Variants in PKP4 observed in about 807,000 individuals in gnomAD.
PKP4 encodes the protein plakophilin-4.
A neutral mutation model predicts 145.1 loss-of-function variants in PKP4; 90 were observed. The ratio of observed to expected loss-of-function variants is 0.62; its 90% CI spans 0.52 to 0.74. The LOEUF (loss-of-function observed/expected upper bound fraction) is 0.74, where lower values mean the gene tolerates loss of function less well. PKP4 is among the 30% of genes least tolerant of loss of function. PKP4 has a pLI of 0.00. For synonymous variants in PKP4, 563 were observed against 577.2 expected (o/e 0.98, Z 0.35); for missense variants, 1,340 against 1,482.7 (o/e 0.90, Z 1.58).
chr2:158,540,410 G>T (rs1267985157), intron 2 of PKP4, among the ~76,000 whole-genome samples: 2 of 152,106 alleles, frequency 1.3e-5, no homozygotes, highest in Non-Finnish European at 1.5e-5. Context: ...TCCATACTTA[G>T]ATTAAGCTTG....
At chr2:158,551,287 G>GA (rs1257479895) in intron 2 of PKP4, among the ~76,000 whole-genome samples, 1 of 152,146 alleles carries the variant, frequency 6.6e-6, no homozygotes, top group Non-Finnish European at 1.5e-5. Context: ...GGTTGTTAGA[G>GA]AAAAAAACAT....
At chr2:158,463,536 T>G (rs1314313919) in intron 1 of PKP4, among the ~76,000 whole-genome samples, 1 of 152,092 alleles carries the variant, frequency 6.6e-6, no homozygotes, top group East Asian at 1.9e-4. Flanking sequence ...TAAATAGATA[T>G]CAAGAGGCTC....
chr2:158,468,603 T>C (rs1171075501), intron 1 of PKP4, among the ~76,000 whole-genome samples: 3 of 152,240 alleles, frequency 2.0e-5, no homozygotes, highest in South Asian at 4.2e-4. Context: ...TAGTGCACCA[T>C]GTTAACAGGC....
chr2:158,528,135 G>A lies in PKP4; in HGVS notation c.-5-5045G>A, dbSNP rs1448323169. Among the ~76,000 whole-genome samples, 48 of 133,376 alleles carry A rather than the reference G, an allele frequency of 3.6e-4. 1 individual carries two copies. The Admixed American group carries it at 3.8e-3, about 10-fold the overall frequency. The allele number at this position is 133,376 out of a possible 152,430, so 87.5% of individuals were successfully genotyped here. ...CATTTGACCCAGCCATCCCATTACTGGGTATATACCCAAATGACTGTAAAT... is the reference window on the plus strand; with the variant it reads ...CATTTGACCCAGCCATCCCATTACTAGGTATATACCCAAATGACTGTAAAT... On this transcript the variant is annotated intron_variant, in intron 1 of 21. Transcript: ENST00000389759.
At chr2:158,631,328 C>T (rs544491881) in intron 7 of PKP4, among the ~76,000 whole-genome samples, 21 of 152,160 alleles carry the variant, frequency 1.4e-4, no homozygotes, top group African/African-American at 5.1e-4. Flanking sequence ...AGTGTTTAGA[C>T]TTAACACTTG....
At chr2:158,666,289 T>C in intron 15 of PKP4, 124 bp from the exon 16 acceptor site, 6 of 860,912 alleles carry the variant, frequency 7.0e-6, no homozygotes, top group Non-Finnish European at 9.8e-6. Context: ...AGATTTGATC[T>C]TCAATTGGAA....
At chr2:158,549,994 T>G (rs1014274167) in intron 2 of PKP4, among the ~76,000 whole-genome samples, 6 of 142,056 alleles carry the variant, frequency 4.2e-5, no homozygotes, top group African/African-American at 1.5e-4. Flanking sequence ...GTGTCGCTAA[T>G]GGGAGTAGTA....
chr2:158,596,946 C>T (rs2049808048), intron 3 of PKP4, among the ~76,000 whole-genome samples: 1 of 152,178 alleles, frequency 6.6e-6, no homozygotes, highest in South Asian at 2.1e-4. Flanking sequence ...TACCTGGGTG[C>T]TCCCAGTACC....
chr2:158,493,052 C>G (rs1018340432), intron 1 of PKP4, among the ~76,000 whole-genome samples: 1 of 151,788 alleles, frequency 6.6e-6, no homozygotes, highest in African/African-American at 2.4e-5. Context: ...TCCTTTGACC[C>G]CCTTGTCTCA....
intron 6 of PKP4, among the ~76,000 whole-genome samples, chr2:158,624,293 C>G (rs562288877): frequency 1.2e-4 from 19 of 152,308 alleles, no homozygotes; most frequent in Non-Finnish European, 2.1e-4. Context: ...TGGAGAGCGC[C>G]AGACCCACAC....
At chr2:158,518,486 A>C (rs2042103763) in intron 1 of PKP4, among the ~76,000 whole-genome samples, 1 of 152,154 alleles carries the variant, frequency 6.6e-6, no homozygotes, top group East Asian at 1.9e-4. Flanking sequence ...CTGTCTACAT[A>C]TTTCTTCCCC....
chr2:158,636,968 G>T (rs2053861854), intron 9 of PKP4, among the ~76,000 whole-genome samples: 1 of 151,938 alleles, frequency 6.6e-6, no homozygotes. Flanking sequence ...CAACATCTGG[G>T]GTGAGTCTGG....
At position 158,624,961 on chromosome 2, in the gene PKP4, C is replaced by T. The variant is rs777878689; in HGVS notation, c.687C>T (p.Gly229=). Residue 229 remains glycine (G), a synonymous_variant, in exon 7 of 22, where the codon GGC becomes GGT. Coordinates refer to ENST00000389759, the MANE Select transcript of PKP4 (RefSeq NM_003628.6). ...AQSPSYVIST[G]VSPSRGSLRT... is the part of the protein sequence containing the mutation. ...CTCCTTCTTATGTTATCAGCACAGG[C>T]GTGTCTCCTTCAAGGGGGTCTCTGA... The T allele has an allele frequency of 1.2e-5, 19 of 1,613,900 alleles. No homozygotes were observed. The highest frequency in any genetic ancestry group is 3.3e-4 in the Middle Eastern group (2 of 6,084).
chr2:158,617,764 A>G (rs1374012410), intron 4 of PKP4, among the ~76,000 whole-genome samples: 1 of 152,240 alleles, frequency 6.6e-6, no homozygotes, highest in East Asian at 1.9e-4. Context: ...CAAGTTTTCA[A>G]AGAAAATAGT....
At chr2:158,473,466 T>C (rs1691930300) in intron 1 of PKP4, among the ~76,000 whole-genome samples, 1 of 152,204 alleles carries the variant, frequency 6.6e-6, no homozygotes, top group Non-Finnish European at 1.5e-5. Context: ...CACCGTGCAA[T>C]ACTATGCAGC....
rs57003090 is a variant in PKP4 at position 158,590,312 on chromosome 2, A to AGTGTGTGTGT, written c.246-12721_246-12712dup. ...TTATAATCCAAGGAGGAATGTCTTG[A>AGTGTGTGTGT]GTGTGTGTGTGTGTGTGTGTGTGTG... On this transcript the variant is annotated intron_variant, in intron 3 of 21. Coordinates refer to ENST00000389759, the MANE Select transcript of PKP4 (RefSeq NM_003628.6). Among the ~76,000 whole-genome samples, 878 of 124,224 alleles carry AGTGTGTGTGT rather than the reference A, an allele frequency of 7.1e-3. 11 individuals are homozygous for AGTGTGTGTGT. The highest frequency in any genetic ancestry group is 0.011 in the Non-Finnish European group (629 of 59,254). 81.5% of individuals were successfully genotyped at this position (124,224 alleles called of 152,430 possible).
intron 3 of PKP4, among the ~76,000 whole-genome samples, chr2:158,599,543 T>C (rs1032538579): frequency 3.3e-5 from 5 of 152,220 alleles, no homozygotes; most frequent in Non-Finnish European, 5.9e-5. Context: ...ATATCCAGTA[T>C]GCAGTTGGAA....
intron 1 of PKP4, among the ~76,000 whole-genome samples, chr2:158,531,276 A>C (rs2043520352): frequency 6.6e-6 from 1 of 152,072 alleles, no homozygotes. Flanking sequence ...TTGTTCACTG[A>C]ATTTTTCCTT....
intron 2 of PKP4, among the ~76,000 whole-genome samples, chr2:158,558,025 T>C (rs747737009): frequency 1.3e-5 from 2 of 152,296 alleles, no homozygotes; most frequent in South Asian, 2.1e-4. Context: ...TAGTTGTTAC[T>C]TGAAGCCATG....
Sources: gnomAD v4.1 joint callset for allele counts (sites outside exome capture counted in the v4.1 genomes callset) on GRCh38, gnomAD v4.1.1 for gene constraint, MANE v1.5 for transcripts, NCBI Gene and HGNC (gene_info 2026-07-23, HGNC 2026-07-21) for gene names.